The following RANBP2 variants were observed in gnomAD, a reference collection of about 807,000 sequenced individuals.
RANBP2 encodes E3 SUMO-protein ligase RanBP2.
RANBP2 carries 57 observed loss-of-function variants against 303.6 expected under a neutral mutation model. The ratio of observed to expected loss-of-function variants is 0.19; its 90% CI spans 0.15 to 0.23. The LOEUF (loss-of-function observed/expected upper bound fraction) is 0.23, where lower values mean the gene tolerates loss of function less well. RANBP2 is among the 10% of genes least tolerant of loss of function. The pLI is 1.00. For synonymous variants in RANBP2, 1,167 were observed against 1,301.5 expected (o/e 0.90, Z 2.23); for missense variants, 3,138 against 3,780.8 (o/e 0.83, Z 4.46).
chr2:109,585,356 T>C, the RANBP2 span: 4 of 1,499,390 alleles, frequency 2.7e-6, no homozygotes, highest in East Asian at 2.3e-5. Flanking sequence ...TATGGTTGCA[T>C]GAATGGCTGA....
chr2:108,812,209 C>T, the RANBP2 span, among the ~76,000 whole-genome samples: 1 of 151,756 alleles, frequency 6.6e-6, no homozygotes, highest in Admixed American at 6.6e-5. Flanking sequence ...TCAGTTCTTC[C>T]ATATATATAT....
the RANBP2 span, among the ~76,000 whole-genome samples, chr2:109,714,142 A>G: frequency 6.6e-6 from 1 of 152,096 alleles, no homozygotes; most frequent in Admixed American, 6.6e-5. Flanking sequence ...GTACAGTGGC[A>G]TGATCTCAGC....
the RANBP2 span, among the ~76,000 whole-genome samples, chr2:108,863,038 C>A: frequency 6.6e-6 from 1 of 152,144 alleles, no homozygotes; most frequent in East Asian, 1.9e-4. Flanking sequence ...GAACTTACTT[C>A]TGAATATATC....
chr2:108,854,020 A>AAATTTATATTATATATAATATAT, the RANBP2 span, among the ~76,000 whole-genome samples: 1 of 113,504 alleles, frequency 8.8e-6, no homozygotes, highest in South Asian at 2.3e-4. Context: ...AATATATAAT[A>AAATTTATATTATATATAATATAT]AATTTATATT....
the RANBP2 span, among the ~76,000 whole-genome samples, chr2:109,119,001 C>T: frequency 3.3e-5 from 5 of 152,122 alleles, no homozygotes; most frequent in Non-Finnish European, 4.4e-5. Flanking sequence ...TTTGACTCTG[C>T]GATTCTATAA....
At chr2:108,978,226 T>C in the RANBP2 span, among the ~76,000 whole-genome samples, 26 of 152,146 alleles carry the variant, frequency 1.7e-4, no homozygotes, top group African/African-American at 6.0e-4. Flanking sequence ...AACTCATCAT[T>C]GGTCTATGAA....
At chr2:108,821,861 C>A in the RANBP2 span, among the ~76,000 whole-genome samples, 1 of 148,212 alleles carries the variant, frequency 6.7e-6, no homozygotes, top group Non-Finnish European at 1.5e-5. Flanking sequence ...GGGAGAATTG[C>A]TTGAACCCAG....
the RANBP2 span, among the ~76,000 whole-genome samples, chr2:109,711,362 C>T: frequency 3.5e-3 from 529 of 152,200 alleles, 3 homozygotes; most frequent in Non-Finnish European, 6.5e-3. Context: ...ACCACCCTGC[C>T]CCTCCCCTGG....
At chr2:109,490,665 C>A in the RANBP2 span, 1 of 1,515,364 alleles carries the variant, frequency 6.6e-7, no homozygotes, top group Non-Finnish European at 8.8e-7. Flanking sequence ...GAAGAAGTCA[C>A]GCTCCCCGCC....
At chr2:109,695,776 G>T in the RANBP2 span, among the ~76,000 whole-genome samples, 1 of 152,154 alleles carries the variant, frequency 6.6e-6, no homozygotes, top group African/African-American at 2.4e-5. Flanking sequence ...TGCTAAAACT[G>T]CTGGGGGCAG....
At chr2:109,478,721 A>G in the RANBP2 span, among the ~76,000 whole-genome samples, 4 of 152,316 alleles carry the variant, frequency 2.6e-5, no homozygotes, top group Non-Finnish European at 5.9e-5. Flanking sequence ...CTGAGCTCGT[A>G]GGTAAGATCT....
At chr2:108,895,929 C>T in the RANBP2 span, 1 of 152,230 alleles carries the variant, frequency 6.6e-6, no homozygotes, top group African/African-American at 2.4e-5. Flanking sequence ...CTTAGGAAGT[C>T]ATCATTTCTC....
chr2:108,833,997 C>T, the RANBP2 span, among the ~76,000 whole-genome samples: 2 of 147,942 alleles, frequency 1.4e-5, no homozygotes, highest in Non-Finnish European at 3.0e-5. Context: ...CCGCCTGCCT[C>T]GGCCTCCCAA....
the RANBP2 span, among the ~76,000 whole-genome samples, chr2:108,823,409 A>G: frequency 2.6e-5 from 4 of 152,332 alleles, no homozygotes; most frequent in South Asian, 2.1e-4. Context: ...ACTGAATTCA[A>G]CAGTACAGTC....
chr2:109,006,665 G>T, the RANBP2 span, among the ~76,000 whole-genome samples: 1 of 152,136 alleles, frequency 6.6e-6, no homozygotes, highest in Non-Finnish European at 1.5e-5. Flanking sequence ...CTAAATCCCC[G>T]AAGTCCACAG....
chr2:109,630,388 C>T, the RANBP2 span, among the ~76,000 whole-genome samples: 2 of 152,272 alleles, frequency 1.3e-5, no homozygotes, highest in Middle Eastern at 3.4e-3. Flanking sequence ...ATCCCAAGGC[C>T]AGGTAGTACT....
chr2:109,113,005 G>A, the RANBP2 span, among the ~76,000 whole-genome samples: 1 of 152,056 alleles, frequency 6.6e-6, no homozygotes, highest in South Asian at 2.1e-4. Flanking sequence ...CTCTGTTTTG[G>A]TACCAGTACC....
the RANBP2 span, among the ~76,000 whole-genome samples, chr2:109,229,480 G>C: frequency 2.0e-5 from 3 of 152,136 alleles, no homozygotes; most frequent in African/African-American, 7.2e-5. Context: ...TTCTCAGACT[G>C]GTCCTGGGGT....
chr2:109,130,765 A>T, the RANBP2 span, among the ~76,000 whole-genome samples: 111,103 of 152,022 alleles, frequency 0.73, 43,454 homozygotes, highest in Non-Finnish European at 0.89. Context: ...GGTCATTTAT[A>T]TTTATTATTA....
Sources: gnomAD v4.1 joint callset for allele counts (sites outside exome capture counted in the v4.1 genomes callset) on GRCh38, gnomAD v4.1.1 for gene constraint, MANE v1.5 for transcripts, NCBI Gene and HGNC (gene_info 2026-07-23, HGNC 2026-07-21) for gene names.